ANKRD30A: variants seen among roughly 807,000 people sequenced by gnomAD.
The protein encoded by ANKRD30A is ankyrin repeat domain-containing protein 30A.
Under a neutral mutation model 166.3 loss-of-function variants are expected in ANKRD30A, and 170 were observed. That is an observed-to-expected ratio of 1.02 (90% CI 0.90 to 1.16). ANKRD30A has a LOEUF of 1.16. ANKRD30A is among the 50% of genes most tolerant of loss of function. The probability of loss-of-function intolerance (pLI) is 0.00; values close to 1 mark genes in which losing one functional copy is unlikely to be tolerated. For synonymous variants in ANKRD30A, 564 were observed against 508.9 expected (o/e 1.11, Z -1.46); for missense variants, 1,630 against 1,518.0 (o/e 1.07, Z -1.23).
At chr10:37,136,700 G>T (rs370214541) in intron 6 of ANKRD30A, 29 bp downstream of exon 6, 3 of 1,266,164 alleles carry the variant, frequency 2.4e-6, no homozygotes, top group Non-Finnish European at 3.3e-6. Flanking sequence ...AACTACCCTT[G>T]GTGGTGCTAT....
chr10:37,141,988 C>G lies in ANKRD30A; in HGVS notation c.1091C>G (p.Pro364Arg). The G allele has an allele frequency of 6.2e-7, 1 of 1,614,096 alleles. No individual in the cohort carries two copies. The highest frequency in any genetic ancestry group is 8.5e-7 in the Non-Finnish European group (1 of 1,179,998). The change falls in exon 7 of 36, where the codon CCT becomes CGT. Residue 364 changes from proline (P) to arginine (R), a missense_variant. By Grantham distance (103) the Pro-to-Arg change is moderately radical (BLOSUM62 -2). Transcript: ENST00000361713. Reference protein sequence around the residue: ...AEETPREITSPAKETSEKFTW... With the variant: ...AEETPREITSRAKETSEKFTW... The stretch of plus-strand genomic sequence containing the variant: ...GAAACACCTAGGGAAATTACGAGTC[C>G]TGCAAAAGAAACATCTGAGAAATTT...
In ANKRD30A at chr10:37,149,849, G is replaced by A. The variant is rs749135492; in HGVS notation, c.1645G>A (p.Asp549Asn). ...GAAGAATGAACAAACATTGAGAGCAGGTAAATTTTTCAATTTAACTATGCA... is the reference window on the plus strand; with the variant it reads ...GAAGAATGAACAAACATTGAGAGCAAGTAAATTTTTCAATTTAACTATGCA... ...ELKNEQTLRA[D>N]PMFPPESKQK... The change falls in exon 11 of 36, where the codon GAT (aspartate) becomes AAT (asparagine). Residue 549 changes from aspartate to asparagine, a missense_variant and splice_region_variant. By Grantham distance (23) the Asp-to-Asn change is conservative (BLOSUM62 1). Transcript: ENST00000361713. The A allele has an allele frequency of 6.2e-7, 1 of 1,612,204 alleles. No individual in the cohort carries two copies. Among genetic ancestry groups the A allele is most frequent in the Non-Finnish European group, 8.5e-7 (1 of 1,178,880 alleles).
intron 32 of ANKRD30A, 85 bp from the exon 33 acceptor site, chr10:37,217,610 T>C: frequency 8.9e-7 from 1 of 1,124,680 alleles, no homozygotes; most frequent in Non-Finnish European, 1.2e-6. Flanking sequence ...ATTGGACTAA[T>C]AACCCAATAT....
chr10:37,228,583 C>A (rs186321702), intron 34 of ANKRD30A, among the ~76,000 whole-genome samples: 1 of 151,908 alleles, frequency 6.6e-6, no homozygotes, highest in Admixed American at 6.6e-5. Context: ...CCAGCTGTTG[C>A]GCTTCACAAC....
chr10:37,215,333 C>T (rs1052429858), intron 31 of ANKRD30A, among the ~76,000 whole-genome samples: 19 of 151,426 alleles, frequency 1.3e-4, no homozygotes, highest in South Asian at 2.1e-4. Context: ...AAGACCCCCC[C>T]GACCCAGCTT....
the ANKRD30A span, among the ~76,000 whole-genome samples, chr10:37,265,167 T>C: frequency 6.6e-6 from 1 of 152,210 alleles, no homozygotes; most frequent in African/African-American, 2.4e-5. Flanking sequence ...CACTTGAATA[T>C]CTTTTTATTT....
In ANKRD30A at chr10:37,125,914, C is replaced by T. The variant is rs758140732; in HGVS notation, c.127C>T (p.His43Tyr). The change falls in exon 1 of 36, where the codon CAT becomes TAT. Residue 43 changes from histidine to tyrosine, a missense_variant. Physicochemically the swap from His to Tyr is moderately conservative, Grantham distance 83. Coordinates refer to ENST00000361713, the MANE Select transcript of ANKRD30A (RefSeq NM_052997.3). The stretch of plus-strand genomic sequence containing the variant: ...CCACTCTGGGGATCTTAGAAAGATC[C>T]ATAAAGCTGCCTCCCGGGGACAAGT... Reference protein sequence around the residue: ...IVHSGDLRKIHKAASRGQVRK... With the variant: ...IVHSGDLRKIYKAASRGQVRK... 6.2e-7 allele frequency: 1 copy of T among 1,606,494 alleles called. No homozygotes were observed. The highest frequency in any genetic ancestry group is 1.3e-5 in the African/African-American group (1 of 74,720).
At chr10:37,227,447 T>C (rs974777132) in intron 34 of ANKRD30A, among the ~76,000 whole-genome samples, 1 of 151,970 alleles carries the variant, frequency 6.6e-6, no homozygotes, top group Non-Finnish European at 1.5e-5. Context: ...ACCATACATG[T>C]GCAGGTCTGT....
chr10:37,192,691 G>C (rs961743975), intron 25 of ANKRD30A, among the ~76,000 whole-genome samples: 5 of 151,926 alleles, frequency 3.3e-5, no homozygotes, highest in African/African-American at 1.2e-4. Flanking sequence ...CATTAGCTTA[G>C]TCATTTATTC....
intron 12 of ANKRD30A, among the ~76,000 whole-genome samples, chr10:37,152,918 A>G (rs1194633615): frequency 1.3e-5 from 2 of 152,140 alleles, no homozygotes; most frequent in Admixed American, 6.5e-5. Context: ...AGACAAAAAG[A>G]CTTTAACACT....
chr10:37,159,467 G>T (rs557192690), intron 15 of ANKRD30A, among the ~76,000 whole-genome samples: 1 of 152,034 alleles, frequency 6.6e-6, no homozygotes, highest in Non-Finnish European at 1.5e-5. Context: ...GCAGTGAGCC[G>T]TCCTTTTGCC....
rs1304066151 is a variant in ANKRD30A, at chr10:37,219,206, G to C, written c.3494G>C (p.Ser1165Thr). ...TTAACTAAAAGGGCATCTCAATATAGTGGGCAGCTTAAAGTTCTGATAGCT... is the reference window on the plus strand; with the variant it reads ...TTAACTAAAAGGGCATCTCAATATACTGGGCAGCTTAAAGTTCTGATAGCT... ...ESLTKRASQY[S>T]GQLKVLIAEN... The change falls in exon 34 of 36, where the codon AGT becomes ACT. Residue 1165 changes from serine to threonine, a missense_variant. By Grantham distance (58) the Ser-to-Thr change is moderately conservative. Around this residue, in one of 4 missense-constraint regions of ANKRD30A, gnomAD observed 712 missense variants for 629.3 expected, o/e 1.13. Transcript: ENST00000361713. The C allele has an allele frequency of 1.2e-6, 2 of 1,610,674 alleles. No homozygotes were observed. The highest frequency in any genetic ancestry group is 2.2e-5 in the East Asian group (1 of 44,772).
the ANKRD30A span, among the ~76,000 whole-genome samples, chr10:37,259,923 T>C: frequency 1.5e-4 from 23 of 152,292 alleles, no homozygotes; most frequent in Admixed American, 5.9e-4. Flanking sequence ...TGGAAATTCA[T>C]TGAGCTGTAA....
rs371009767 is a variant in ANKRD30A at position 37,125,846 on chromosome 10, C to T, written c.59C>T (p.Pro20Leu). Residue 20 changes from proline (P) to leucine (L), a missense_variant, in exon 1 of 36, where the codon CCT becomes CTT. Physicochemically the swap from Pro to Leu is moderately conservative, Grantham distance 98. Transcript: ENST00000361713. ...GTGCCGGGCCCGGAGCGCCCGAGCC[C>T]TTTCAGCCAGCTAGTCTATACCAGC... The part of the protein sequence containing the change: ...KVVPGPERPS[P>L]FSQLVYTSND... The T allele has an allele frequency of 1.6e-6, 2 of 1,260,180 alleles. No homozygotes were observed. The highest frequency in any genetic ancestry group is 1.1e-6 in the Non-Finnish European group (1 of 882,072). The allele number at this position is 1,260,180 out of a possible 1,614,324, so 78.1% of individuals were successfully genotyped here.
chr10:37,161,797 G>A (rs1838900593), intron 15 of ANKRD30A, among the ~76,000 whole-genome samples: 1 of 152,140 alleles, frequency 6.6e-6, no homozygotes, highest in African/African-American at 2.4e-5. Flanking sequence ...AAGGAAGTGT[G>A]TTGTTTTGGT....
At chr10:37,178,536 A>G (rs1839913253) in intron 24 of ANKRD30A, 5 of 979,212 alleles carry the variant, frequency 5.1e-6, no homozygotes, top group Non-Finnish European at 4.9e-6. Flanking sequence ...TTTTGTGGGA[A>G]AAATGTGGAA....
intron 34 of ANKRD30A, among the ~76,000 whole-genome samples, chr10:37,222,719 G>T (rs1302868248): frequency 6.6e-6 from 1 of 151,158 alleles, no homozygotes; most frequent in Non-Finnish European, 1.5e-5. Flanking sequence ...TTCAGACTTG[G>T]TGGACACATT....
At chr10:37,195,283 A>G (rs1357283674) in intron 27 of ANKRD30A, among the ~76,000 whole-genome samples, 1 of 152,168 alleles carries the variant, frequency 6.6e-6, no homozygotes, top group East Asian at 1.9e-4. Context: ...ATCAAACAAA[A>G]TCAAAATTTT....
chr10:37,234,747 A>G (rs985522290), downstream of ANKRD30A, among the ~76,000 whole-genome samples: 2 of 152,158 alleles, frequency 1.3e-5, no homozygotes, highest in East Asian at 1.9e-4. Flanking sequence ...TAACTTTTCT[A>G]TTTCTCAAAT....
Sources: gnomAD v4.1 joint callset for allele counts (sites outside exome capture counted in the v4.1 genomes callset) on GRCh38, gnomAD v4.1.1 for gene constraint, gnomAD v4.1.1 regional missense constraint, MANE v1.5 for transcripts, NCBI Gene and HGNC (gene_info 2026-07-23, HGNC 2026-07-21) for gene names.